The following EPN2 variants were observed in gnomAD, a reference collection of about 807,000 sequenced individuals.
The protein encoded by EPN2 is epsin 2.
A neutral mutation model predicts 61.7 loss-of-function variants in EPN2; 34 were observed. The observed-to-expected ratio is 0.55, with a 90% CI of 0.42 to 0.73. The LOEUF is 0.73. Ranked by LOEUF, EPN2 falls within the 30% of genes least tolerant of loss-of-function variation. The pLI, the probability that EPN2 is intolerant of heterozygous loss-of-function variation, is 0.00. For synonymous variants in EPN2, 349 were observed against 353.6 expected, an observed-to-expected ratio of 0.99 and a Z score of 0.15; for missense variants, 714 against 839.2, an observed-to-expected ratio of 0.85 and a Z score of 1.84.
rs1906212308 is a variant in EPN2, at chr17:19,312,890, G to C, written c.973-215G>C. ...CCCTGAGGTCTCTGAAGTCTGGTGA[G>C]GGGGTTTAGCAAACAGTAAATAGCT... On this transcript the variant is annotated intron_variant, in intron 6 of 10. Transcript: ENST00000314728. 1.1e-5 allele frequency: 6 copies of C among 540,422 alleles called. No individual in the cohort carries two copies. The East Asian group carries it at 2.1e-4, about 19-fold the overall frequency. The allele number at this position is 540,422 out of a possible 1,614,324, so 33.5% of individuals were successfully genotyped here.
At chr17:19,264,845 G>A in intron 1 of EPN2, among the ~76,000 whole-genome samples, 1 of 152,270 alleles carries the variant, frequency 6.6e-6, no homozygotes, top group Non-Finnish European at 1.5e-5. Context: ...GAGACAGTCG[G>A]GGTCTCTGTC....
At chr17:19,274,443 A>G (rs2045286477) in intron 1 of EPN2, 1 of 152,250 alleles carries the variant, frequency 6.6e-6, no homozygotes, top group Non-Finnish European at 1.5e-5. Flanking sequence ...GAAGATGTTC[A>G]GGTCAATTAA....
At chr17:19,326,589 AG>A (rs1472746757) in intron 7 of EPN2, among the ~76,000 whole-genome samples, 2 of 142,248 alleles carry the variant, frequency 1.4e-5, no homozygotes, top group Admixed American at 7.6e-5. Context: ...CGGGAGGCTG[AG>A]GCAGGAGAAT....
Position 19,283,299 on chromosome 17 carries a change from G to A in EPN2, c.180G>A (p.Val60=). 6.2e-7 allele frequency: 1 copy of A among 1,614,168 alleles called. No homozygotes were observed. Residue 60 remains valine (V), a synonymous_variant, in exon 3 of 11, where the codon GTG becomes GTA. Coordinates refer to ENST00000314728, the MANE Select transcript of EPN2 (RefSeq NM_014964.5). This position sits in a 1 kb window ranked among gnomAD's most constrained non-coding sequence, Gnocchi z 7.0. ...CCTTCTCGGAGATCATGAGCATGGT[G>A]TGGAAGCGGCTGAATGACCATGGCA... ...VVAFSEIMSM[V]WKRLNDHGKN...
In EPN2 at chr17:19,240,024, C is replaced by T. The variant is rs925607272; in HGVS notation, c.-294+2493C>T. ...TTTAATTAGGAGGAGCGGCAACTTT[C>T]GGTTGTGAACTGAAGTACTATGAGA... On this transcript the variant is annotated intron_variant, in intron 1 of 10. Coordinates refer to ENST00000314728, the MANE Select transcript of EPN2 (RefSeq NM_014964.5). Among the ~76,000 whole-genome samples the T allele has an allele frequency of 9.9e-5, 15 of 151,616 alleles. 1 individual carries two copies. The highest frequency in any genetic ancestry group is 1.3e-4 in the Non-Finnish European group (9 of 67,966).
intron 10 of EPN2, among the ~76,000 whole-genome samples, chr17:19,332,425 G>A (rs182072217): frequency 8.3e-4 from 126 of 152,226 alleles, no homozygotes; most frequent in Non-Finnish European, 1.4e-3. Context: ...AGGGTTTGGC[G>A]TGTAGCATTC....
intron 10 of EPN2, among the ~76,000 whole-genome samples, chr17:19,332,734 C>T (rs1228240366): frequency 6.6e-6 from 1 of 152,226 alleles, no homozygotes; most frequent in Non-Finnish European, 1.5e-5. Context: ...GGAATGTCCT[C>T]CCTCCTCTTC....
At chr17:19,258,648 C>G (rs938280470) in intron 1 of EPN2, among the ~76,000 whole-genome samples, 1 of 152,192 alleles carries the variant, frequency 6.6e-6, no homozygotes, top group Non-Finnish European at 1.5e-5. Context: ...GTGATTTAAC[C>G]TAGAGAGCTA....
chr17:19,249,245 T>C (rs2044986481), intron 1 of EPN2: 2 of 152,306 alleles, frequency 1.3e-5, no homozygotes, highest in Admixed American at 1.3e-4. Context: ...TCCTCTGCTG[T>C]TGAAGAACAA....
At chr17:19,329,383 G>C (rs1907052749) in intron 8 of EPN2, 178 bp from the exon 9 acceptor site, 1 of 555,500 alleles carries the variant, frequency 1.8e-6, no homozygotes, top group Non-Finnish European at 3.2e-6. Flanking sequence ...TCCCCTCCCA[G>C]CGTGCTGGTG....
Position 19,334,187 on chromosome 17 carries a change from T to G in EPN2, c.1859T>G (p.Val620Gly). The G allele has an allele frequency of 6.4e-7, 1 of 1,569,164 alleles. No homozygotes were observed. Among genetic ancestry groups the G allele is most frequent in the Non-Finnish European group, 8.7e-7 (1 of 1,152,824 alleles). ...TPLGPAMMNM[V>G]GSVGIPPSAA... ...CTGGGCCCTGCAATGATGAACATGG[T>G]GGGCAGTGTGGGTATACCCCCATCA... The change falls in exon 11 of 11, where the codon GTG (valine) becomes GGG (glycine). Residue 620 changes from valine to glycine, a missense_variant. Around this residue, in one of 2 missense-constraint regions of EPN2, gnomAD observed 410 missense variants for 421.8 expected, o/e 0.97. Coordinates refer to ENST00000314728, the MANE Select transcript of EPN2 (RefSeq NM_014964.5). The surrounding 1 kb of genome is among the most constrained non-coding windows in gnomAD (Gnocchi z 4.9).
intron 5 of EPN2, among the ~76,000 whole-genome samples, chr17:19,310,273 T>C (rs1329260987): frequency 6.6e-6 from 1 of 152,098 alleles, no homozygotes; most frequent in Non-Finnish European, 1.5e-5. Flanking sequence ...CCAGAAACAC[T>C]TGTGCAGACA....
At chr17:19,266,002 C>T (rs539451310) in intron 1 of EPN2, among the ~76,000 whole-genome samples, 1 of 152,240 alleles carries the variant, frequency 6.6e-6, no homozygotes, top group East Asian at 1.9e-4. Flanking sequence ...TGGATTCAGG[C>T]TCTGGACTCT....
chr17:19,302,337 C>T (rs1905571885), intron 4 of EPN2, among the ~76,000 whole-genome samples: 1 of 152,366 alleles, frequency 6.6e-6, no homozygotes, highest in African/African-American at 2.4e-5. Context: ...AAGGTAATCA[C>T]CTAGGCCAGG....
intron 4 of EPN2, chr17:19,307,935 C>T (rs558999173): frequency 2.0e-6 from 2 of 985,278 alleles, no homozygotes; most frequent in South Asian, 9.4e-5. Flanking sequence ...CTTTTAGTTT[C>T]TCTCAAAGAG....
At chr17:19,246,995 C>A (rs1302074399) in intron 1 of EPN2, among the ~76,000 whole-genome samples, 3 of 152,254 alleles carry the variant, frequency 2.0e-5, no homozygotes, top group South Asian at 4.1e-4. Flanking sequence ...TGGTCTTGAT[C>A]TCCTGACCTC....
At chr17:19,289,082 T>TTG (rs1291232054) in intron 4 of EPN2, among the ~76,000 whole-genome samples, 1 of 135,190 alleles carries the variant, frequency 7.4e-6, no homozygotes, top group African/African-American at 2.8e-5. Context: ...ATGTTTTTTT[T>TTG]TTTTTTTTTT....
At chr17:19,310,570 T>TG (rs1906078096) in intron 5 of EPN2, among the ~76,000 whole-genome samples, 1 of 103,242 alleles carries the variant, frequency 9.7e-6, no homozygotes, top group Admixed American at 1.1e-4. Flanking sequence ...TCTCCTTCTT[T>TG]CTTTTTTTTT....
intron 4 of EPN2, among the ~76,000 whole-genome samples, chr17:19,290,045 G>C (rs375906377): frequency 6.6e-6 from 1 of 152,194 alleles, no homozygotes. Context: ...TTACTTGGTG[G>C]TCTTGTAATT....
Sources: gnomAD v4.1 joint callset for allele counts (sites outside exome capture counted in the v4.1 genomes callset) on GRCh38, gnomAD v4.1.1 for gene constraint, gnomAD v4.1.1 regional missense constraint, Gnocchi (gnomAD v3.1) non-coding constraint, MANE v1.5 for transcripts, NCBI Gene and HGNC (gene_info 2026-07-23, HGNC 2026-07-21) for gene names.